TASP1: variants seen among roughly 807,000 people sequenced by gnomAD.
The protein encoded by TASP1 is taspase 1.
TASP1 carries 16 observed loss-of-function variants against 56.6 expected under a neutral mutation model. That is an observed-to-expected ratio of 0.28 (90% CI 0.19 to 0.43). TASP1 has a LOEUF of 0.43. TASP1 is among the 20% of genes least tolerant of loss of function. The pLI is 1.00. For missense variants in TASP1, 393 were observed against 511.6 expected (o/e 0.77, Z 2.24); for synonymous variants, 179 against 184.2 (o/e 0.97, Z 0.23).
intron 12 of TASP1, among the ~76,000 whole-genome samples, chr20:13,433,722 T>G (rs2042897540): frequency 6.6e-6 from 1 of 151,626 alleles, no homozygotes; most frequent in Admixed American, 6.6e-5. Context: ...GGACGTGTAC[T>G]ATAGCAATCG....
At chr20:13,417,917 T>C (rs1168604576) in intron 12 of TASP1, among the ~76,000 whole-genome samples, 1 of 152,142 alleles carries the variant, frequency 6.6e-6, no homozygotes, top group African/African-American at 2.4e-5. Context: ...AGGTCTTAAT[T>C]TCTTTCCTTA....
chr20:13,252,747 C>G, the TASP1 span, among the ~76,000 whole-genome samples: 1 of 151,652 alleles, frequency 6.6e-6, no homozygotes, highest in Non-Finnish European at 1.5e-5. Flanking sequence ...CAGAGCGAGA[C>G]TCTGTCTCAA....
chr20:13,394,127 A>G (rs993341005), intron 13 of TASP1, among the ~76,000 whole-genome samples: 1 of 151,018 alleles, frequency 6.6e-6, no homozygotes, highest in African/African-American at 2.4e-5. Flanking sequence ...CTAAAAATAC[A>G]AAAAAAATTA....
the TASP1 span, among the ~76,000 whole-genome samples, chr20:13,145,552 G>T: frequency 1.3e-5 from 2 of 152,010 alleles, no homozygotes; most frequent in East Asian, 3.8e-4. Context: ...CATTAAAATG[G>T]CTATACTGCC....
intron 1 of TASP1, among the ~76,000 whole-genome samples, chr20:13,636,140 C>CTTTTTTTT (rs36048272): frequency 1.0e-5 from 1 of 98,018 alleles, no homozygotes; most frequent in Non-Finnish European, 1.9e-5. Flanking sequence ...TGTGTTGTTG[C>CTTTTTTTT]TTTTTTTTTT....
intron 11 of TASP1, among the ~76,000 whole-genome samples, chr20:13,461,731 G>A (rs2044059704): frequency 6.6e-6 from 1 of 152,156 alleles, no homozygotes; most frequent in Admixed American, 6.6e-5. Flanking sequence ...GCAGGCCATA[G>A]TTTGCCAACC....
At chr20:13,167,024 G>C in the TASP1 span, 1 of 152,180 alleles carries the variant, frequency 6.6e-6, no homozygotes, top group Non-Finnish European at 1.5e-5. Flanking sequence ...TTCTGTTAGA[G>C]AGTCCATGTT....
intron 11 of TASP1, among the ~76,000 whole-genome samples, chr20:13,449,474 C>T (rs972725831): frequency 1.3e-5 from 2 of 152,128 alleles, no homozygotes; most frequent in South Asian, 2.1e-4. Context: ...CCTTCTAGCA[C>T]GCTTTTAATT....
chr20:13,545,085 T>A (rs2045758200), intron 8 of TASP1, among the ~76,000 whole-genome samples: 1 of 152,142 alleles, frequency 6.6e-6, no homozygotes, highest in East Asian at 1.9e-4. Flanking sequence ...CATATAATTA[T>A]GAATATACCC....
At chr20:13,231,827 G>A in the TASP1 span, among the ~76,000 whole-genome samples, 86 of 152,266 alleles carry the variant, frequency 5.6e-4, no homozygotes, top group African/African-American at 2.1e-3. Flanking sequence ...TTGCAGTTTT[G>A]AGTACCCCAA....
At chr20:13,197,049 T>C in the TASP1 span, among the ~76,000 whole-genome samples, 4 of 152,344 alleles carry the variant, frequency 2.6e-5, no homozygotes, top group Admixed American at 2.6e-4. Context: ...TCTGTTTTCC[T>C]GAGAGCTCCC....
intron 13 of TASP1, among the ~76,000 whole-genome samples, chr20:13,409,203 G>A (rs773529427): frequency 1.6e-4 from 24 of 151,862 alleles, no homozygotes; most frequent in Non-Finnish European, 3.2e-4. Flanking sequence ...TTATGAACTT[G>A]AAAATAATAA....
At chr20:13,160,104 C>T in the TASP1 span, 9 of 1,613,630 alleles carry the variant, frequency 5.6e-6, no homozygotes, top group Middle Eastern at 1.6e-4. Context: ...TGTGTTTCAG[C>T]GGCACATACC....
the TASP1 span, among the ~76,000 whole-genome samples, chr20:13,321,826 G>T: frequency 1.3e-5 from 2 of 152,176 alleles, no homozygotes; most frequent in East Asian, 3.9e-4. Flanking sequence ...TGTGTGTAGA[G>T]ACAGGAGAGG....
At chr20:13,186,634 A>G in the TASP1 span, among the ~76,000 whole-genome samples, 1 of 152,188 alleles carries the variant, frequency 6.6e-6, no homozygotes. Flanking sequence ...TATAATGACA[A>G]TATATTACAG....
At chr20:13,385,615 C>G (rs2041157996), downstream of TASP1, among the ~76,000 whole-genome samples, 1 of 152,160 alleles carries the variant, frequency 6.6e-6, no homozygotes, top group African/African-American at 2.4e-5. Context: ...CCTCCAGAAG[C>G]AACCCTGAGA....
At chr20:13,567,443 G>A (rs182022345) in intron 7 of TASP1, among the ~76,000 whole-genome samples, 52 of 151,976 alleles carry the variant, frequency 3.4e-4, no homozygotes, top group South Asian at 8.3e-4. Flanking sequence ...ATAGGTATTC[G>A]GAAAATAAAA....
the TASP1 span, among the ~76,000 whole-genome samples, chr20:13,255,375 A>G: frequency 0.017 from 2,567 of 152,310 alleles, 68 homozygotes; most frequent in African/African-American, 0.058. Context: ...TTTACAGTTC[A>G]GTCATTATTT....
intron 12 of TASP1, among the ~76,000 whole-genome samples, chr20:13,428,424 C>T (rs947935845): frequency 6.6e-6 from 1 of 152,122 alleles, no homozygotes; most frequent in Non-Finnish European, 1.5e-5. Flanking sequence ...ATTAACCATA[C>T]TATATACGGC....
Sources: allele counts gnomAD v4.1 joint callset (sites outside exome capture counted in the v4.1 genomes callset), GRCh38; gene constraint gnomAD v4.1.1; transcripts MANE v1.5; gene names NCBI Gene and HGNC (gene_info 2026-07-23, HGNC 2026-07-21).